RPS6KC1: variants seen among roughly 807,000 people sequenced by gnomAD.
The protein encoded by RPS6KC1 is ribosomal protein S6 kinase C1.
A neutral mutation model predicts 103.8 loss-of-function variants in RPS6KC1; 54 were observed. The ratio of observed to expected loss-of-function variants is 0.52; its 90% CI spans 0.42 to 0.65. The LOEUF (loss-of-function observed/expected upper bound fraction) is 0.65. RPS6KC1 is among the 30% of genes least tolerant of loss of function. The pLI, the probability that RPS6KC1 is intolerant of heterozygous loss-of-function variation, is 0.00. For missense variants in RPS6KC1, 1,151 were observed against 1,253.8 expected (o/e 0.92, Z 1.24); for synonymous variants, 439 against 438.7 (o/e 1.00, Z -0.01).
the RPS6KC1 span, among the ~76,000 whole-genome samples, chr1:213,761,043 A>G: frequency 2.0e-5 from 3 of 151,946 alleles, no homozygotes; most frequent in African/African-American, 4.8e-5. Flanking sequence ...GTTGTATATT[A>G]TAAGGGAAGC....
At chr1:213,455,969 A>G in the RPS6KC1 span, among the ~76,000 whole-genome samples, 12 of 152,156 alleles carry the variant, frequency 7.9e-5, no homozygotes, top group African/African-American at 2.9e-4. Context: ...CCGTGGGGTA[A>G]CCTCTTTTAT....
chr1:213,669,099 T>C, the RPS6KC1 span, among the ~76,000 whole-genome samples: 1 of 152,260 alleles, frequency 6.6e-6, no homozygotes, highest in Non-Finnish European at 1.5e-5. Flanking sequence ...GGAGTTGTGC[T>C]TTTAATTTCC....
At chr1:213,549,949 G>C in the RPS6KC1 span, among the ~76,000 whole-genome samples, 4 of 152,004 alleles carry the variant, frequency 2.6e-5, no homozygotes, top group East Asian at 7.7e-4. Context: ...GGGTATTCAG[G>C]CCAGAAGAGA....
the RPS6KC1 span, among the ~76,000 whole-genome samples, chr1:213,537,172 C>T: frequency 7.9e-5 from 12 of 152,282 alleles, no homozygotes; most frequent in African/African-American, 2.9e-4. Flanking sequence ...CTCTGTAAGG[C>T]CGTGCTCCTT....
At chr1:213,667,131 T>C in the RPS6KC1 span, among the ~76,000 whole-genome samples, 24 of 152,216 alleles carry the variant, frequency 1.6e-4, no homozygotes, top group Non-Finnish European at 2.6e-4. Flanking sequence ...GAACCAGGCC[T>C]GGAACCCAGG....
intron 1 of RPS6KC1, among the ~76,000 whole-genome samples, chr1:213,062,796 G>A (rs151170090): frequency 1.3e-5 from 2 of 152,164 alleles, no homozygotes; most frequent in African/African-American, 4.8e-5. Context: ...CTTGTGATCC[G>A]CCAGCCTCGG....
At chr1:213,392,427 A>C in the RPS6KC1 span, among the ~76,000 whole-genome samples, 1 of 152,070 alleles carries the variant, frequency 6.6e-6, no homozygotes, top group African/African-American at 2.4e-5. Flanking sequence ...TGGGAGGAGG[A>C]GGGTCAGGGC....
chr1:213,061,482 A>C (rs1434323896), intron 1 of RPS6KC1, among the ~76,000 whole-genome samples: 1 of 152,016 alleles, frequency 6.6e-6, no homozygotes, highest in African/African-American at 2.4e-5. Context: ...GAAGAGCGGG[A>C]GAGAAGAACT....
chr1:213,363,682 CTTTCTTTCTTTCTTTCTTTCCTTCTTTCT>C, the RPS6KC1 span, among the ~76,000 whole-genome samples: 1 of 104,966 alleles, frequency 9.5e-6, no homozygotes, highest in Non-Finnish European at 1.9e-5. Flanking sequence ...TTCTTTCTTT[CTTTCTTTCTTTCTTTCTTTCCTTCTTTCT>C]TTCTTTCTTT....
the RPS6KC1 span, chr1:213,841,430 T>G: frequency 2.6e-5 from 4 of 152,188 alleles, no homozygotes; most frequent in African/African-American, 9.6e-5. Context: ...TATGAGATTT[T>G]TTGTCTTAAG....
the RPS6KC1 span, among the ~76,000 whole-genome samples, chr1:213,855,407 C>G: frequency 6.6e-6 from 1 of 152,224 alleles, no homozygotes; most frequent in Non-Finnish European, 1.5e-5. Flanking sequence ...TAGGCTGACT[C>G]TAACTCCACA....
chr1:213,722,169 C>T, the RPS6KC1 span, among the ~76,000 whole-genome samples: 30 of 152,070 alleles, frequency 2.0e-4, no homozygotes, highest in Non-Finnish European at 5.9e-5. Context: ...CAGAAGGCTA[C>T]ATGAGGGTTT....
chr1:213,583,543 G>T, the RPS6KC1 span, among the ~76,000 whole-genome samples: 15 of 152,104 alleles, frequency 9.9e-5, no homozygotes, highest in African/African-American at 3.4e-4. Flanking sequence ...ATTCCAGGCT[G>T]GGCACGATGG....
chr1:213,851,176 T>C, the RPS6KC1 span, among the ~76,000 whole-genome samples: 1 of 152,108 alleles, frequency 6.6e-6, no homozygotes. Flanking sequence ...CTATGACTAA[T>C]TCTGGAGTCC....
chr1:213,513,784 T>C, the RPS6KC1 span, among the ~76,000 whole-genome samples: 35 of 152,180 alleles, frequency 2.3e-4, no homozygotes, highest in Non-Finnish European at 4.9e-4. Context: ...AACAAGATAA[T>C]ATTGTACAAA....
At chr1:213,312,081 A>T in the RPS6KC1 span, among the ~76,000 whole-genome samples, 1 of 152,028 alleles carries the variant, frequency 6.6e-6, no homozygotes, top group Non-Finnish European at 1.5e-5. Flanking sequence ...TATTTTTAGT[A>T]AAGACAGGGT....
At chr1:213,691,168 A>C in the RPS6KC1 span, among the ~76,000 whole-genome samples, 1 of 151,944 alleles carries the variant, frequency 6.6e-6, no homozygotes, top group Admixed American at 6.6e-5. Context: ...GCTCAGGGCC[A>C]CCCCCAAGGT....
chr1:213,693,811 G>A, the RPS6KC1 span, among the ~76,000 whole-genome samples: 1 of 152,190 alleles, frequency 6.6e-6, no homozygotes, highest in African/African-American at 2.4e-5. Flanking sequence ...GTGTTAAACA[G>A]TCAATAATAT....
the RPS6KC1 span, among the ~76,000 whole-genome samples, chr1:213,617,254 A>G: frequency 6.6e-6 from 1 of 152,206 alleles, no homozygotes; most frequent in Admixed American, 6.5e-5. Flanking sequence ...GGGGGGTGTC[A>G]CCACATCTAA....
Sources: allele counts gnomAD v4.1 joint callset (sites outside exome capture counted in the v4.1 genomes callset), GRCh38; gene constraint gnomAD v4.1.1; transcripts MANE v1.5; gene names NCBI Gene and HGNC (gene_info 2026-07-23, HGNC 2026-07-21).